CACNG6: variants seen among roughly 807,000 people sequenced by gnomAD.
The protein encoded by CACNG6 is voltage-dependent calcium channel gamma-6 subunit.
Under a neutral mutation model 23.9 loss-of-function variants are expected in CACNG6, and 21 were observed. The ratio of observed to expected loss-of-function variants is 0.88; its 90% CI spans 0.62 to 1.26. The LOEUF is 1.26. CACNG6 is among the 50% of genes most tolerant of loss of function. The pLI, the probability that CACNG6 is intolerant of heterozygous loss-of-function variation, is 0.00. For missense variants in CACNG6, 340 were observed against 352.9 expected (o/e 0.96, Z 0.29); for synonymous variants, 182 against 168.9 (o/e 1.08, Z -0.60).
chr19:54,011,157 A>G (rs1174348513), intron 3 of CACNG6, among the ~76,000 whole-genome samples: 1 of 143,190 alleles, frequency 7.0e-6, no homozygotes. Flanking sequence ...GTTCCAGACT[A>G]GTCTGGCCAA....
At chr19:54,004,637 G>A (rs943522694) in intron 3 of CACNG6, among the ~76,000 whole-genome samples, 1 of 152,042 alleles carries the variant, frequency 6.6e-6, no homozygotes, top group East Asian at 1.9e-4. Context: ...GACTCCCGGC[G>A]CCCTGCGACT....
At chr19:54,004,821 T>A (rs537726007) in intron 3 of CACNG6, among the ~76,000 whole-genome samples, 2 of 152,228 alleles carry the variant, frequency 1.3e-5, no homozygotes, top group East Asian at 3.9e-4. Context: ...AAGTCTCTGG[T>A]CAAATGTCAC....
At chr19:54,010,569 T>A (rs1254213723) in intron 3 of CACNG6, among the ~76,000 whole-genome samples, 1 of 152,040 alleles carries the variant, frequency 6.6e-6, no homozygotes, top group African/African-American at 2.4e-5. Flanking sequence ...TATTTTCAAT[T>A]TTTATTTATT....
At chr19:53,998,337 G>C in intron 2 of CACNG6, 24 bp downstream of exon 2, 1 of 1,605,546 alleles carries the variant, frequency 6.2e-7, no homozygotes, top group Non-Finnish European at 8.5e-7. Flanking sequence ...ACCCCCTGCT[G>C]GGTGACAGGT....
At position 53,996,935 on chromosome 19, in the gene CACNG6, C is replaced by T. The variant is rs1265094556; in HGVS notation, c.332-1304C>T. Among the ~76,000 whole-genome samples the T allele has an allele frequency of 3.9e-5, 5 of 127,032 alleles. No individual in the cohort carries two copies. The East Asian group carries it at 1.2e-3, about 32-fold the overall frequency. 83.3% of individuals were successfully genotyped at this position (127,032 alleles called of 152,430 possible). On this transcript the variant is annotated intron_variant, in intron 1 of 3. Transcript: ENST00000252729. ...CCAGGCTGGAGTGCAGTAGTACAATCTTGGCTCACTGCAACCTCTGCCTCC... is the reference window on the plus strand; with the variant it reads ...CCAGGCTGGAGTGCAGTAGTACAATTTTGGCTCACTGCAACCTCTGCCTCC...
chr19:54,002,936 G>A (rs1428527848), intron 3 of CACNG6, among the ~76,000 whole-genome samples: 1 of 152,216 alleles, frequency 6.6e-6, no homozygotes, highest in African/African-American at 2.4e-5. Context: ...GTATGAGACA[G>A]AGAAGTCTGC....
At chr19:53,993,960 T>A (rs905908872) in intron 1 of CACNG6, among the ~76,000 whole-genome samples, 1 of 152,002 alleles carries the variant, frequency 6.6e-6, no homozygotes, top group Non-Finnish European at 1.5e-5. Context: ...AGCCTGTGAT[T>A]CCAGACACAG....
At chr19:54,004,359 G>T (rs1353420454) in intron 3 of CACNG6, among the ~76,000 whole-genome samples, 3,284 of 146,546 alleles carry the variant, frequency 0.022, 211 homozygotes, top group African/African-American at 0.079. Flanking sequence ...GTGTGTGTGT[G>T]TGTGTGTGTG....
chr19:53,991,162 G>C (rs934928750), upstream of CACNG6, among the ~76,000 whole-genome samples: 5 of 142,896 alleles, frequency 3.5e-5, no homozygotes, highest in Non-Finnish European at 7.6e-5. Context: ...GGACCTAGGA[G>C]ACCAGGTTCC....
At chr19:54,008,214 G>A (rs1012759564) in intron 3 of CACNG6, among the ~76,000 whole-genome samples, 4 of 151,602 alleles carry the variant, frequency 2.6e-5, no homozygotes, top group Admixed American at 6.6e-5. Flanking sequence ...TGAGCCAGGC[G>A]TGGTGGCAAG....
intron 3 of CACNG6, among the ~76,000 whole-genome samples, chr19:54,000,117 T>G (rs2069561561): frequency 6.6e-6 from 1 of 151,976 alleles, no homozygotes; most frequent in African/African-American, 2.4e-5. Flanking sequence ...GACCTGGGAT[T>G]TCCAATCACT....
At chr19:54,011,633 C>T (rs994639574) in intron 3 of CACNG6, among the ~76,000 whole-genome samples, 2 of 151,924 alleles carry the variant, frequency 1.3e-5, no homozygotes, top group Admixed American at 1.3e-4. Context: ...CCCCATCCAC[C>T]TTCAGAACGA....
chr19:53,998,978 T>C (rs2069549223), intron 2 of CACNG6, among the ~76,000 whole-genome samples: 1 of 152,196 alleles, frequency 6.6e-6, no homozygotes, highest in Admixed American at 6.5e-5. Flanking sequence ...GTCCTCGCAG[T>C]AGCCCTGCAG....
At chr19:54,009,447 CTAAA>C (rs2069680856) in intron 3 of CACNG6, among the ~76,000 whole-genome samples, 1 of 117,626 alleles carries the variant, frequency 8.5e-6, no homozygotes, top group African/African-American at 3.6e-5. Context: ...GAGACTCCAT[CTAAA>C]AAAAAAAAAA....
At chr19:54,002,137 G>C (rs1420853116) in intron 3 of CACNG6, among the ~76,000 whole-genome samples, 1 of 151,352 alleles carries the variant, frequency 6.6e-6, no homozygotes, top group Non-Finnish European at 1.5e-5. Context: ...ATCCAGGCTG[G>C]AGTACAGTGG....
At chr19:54,008,995 T>C (rs994285761) in intron 3 of CACNG6, among the ~76,000 whole-genome samples, 1 of 152,204 alleles carries the variant, frequency 6.6e-6, no homozygotes, top group African/African-American at 2.4e-5. Flanking sequence ...AATAATCATT[T>C]AAGCAATTAT....
chr19:54,011,247 A>ACACACACACAC (rs1281429168), intron 3 of CACNG6, among the ~76,000 whole-genome samples: 6 of 105,958 alleles, frequency 5.7e-5, no homozygotes, highest in African/African-American at 1.9e-4. Flanking sequence ...CACACACACA[A>ACACACACACAC]AAATTAGCCA....
chr19:53,991,656 G>A lies in CACNG6; in HGVS notation c.-1222G>A, dbSNP rs2069460485. On this transcript the variant is annotated 5_prime_UTR_variant, in exon 1 of 4. Coordinates refer to ENST00000252729, the MANE Select transcript of CACNG6 (RefSeq NM_145814.2). The stretch of plus-strand genomic sequence containing the variant: ...GAGGCCAGGCCGGTGGCGGTGGCGG[G>A]CACAGCCGGACGCTTCGGAGGCAGC... Among the ~76,000 whole-genome samples, 1 of 151,932 alleles carries A rather than the reference G, an allele frequency of 6.6e-6. No individual in the cohort carries two copies. Among genetic ancestry groups the A allele is most frequent in the Non-Finnish European group, 1.5e-5 (1 of 67,882 alleles).
intron 3 of CACNG6, among the ~76,000 whole-genome samples, chr19:54,011,190 TAAAAAAAAA>T (rs142489178): frequency 3.4e-5 from 2 of 59,208 alleles, no homozygotes; most frequent in African/African-American, 1.9e-4. Context: ...CCGTCTCTAC[TAAAAAAAAA>T]AAAAAAATAT....
Sources: allele counts gnomAD v4.1 joint callset (sites outside exome capture counted in the v4.1 genomes callset), GRCh38; gene constraint gnomAD v4.1.1; transcripts MANE v1.5; gene names NCBI Gene and HGNC (gene_info 2026-07-23, HGNC 2026-07-21).